Variants in PLAGL1 observed in about 807,000 individuals in gnomAD.
The protein encoded by PLAGL1 is PLAG1 like zinc finger 1.
Under a neutral mutation model 4.6 loss-of-function variants are expected in PLAGL1, and 1 was observed. The ratio of observed to expected loss-of-function variants is 0.22; its 90% CI spans 0.08 to 1.03. PLAGL1 has a LOEUF of 1.03. Ranked by LOEUF, PLAGL1 falls within the 50% of genes least tolerant of loss-of-function variation. PLAGL1 has a pLI of 0.58. For missense variants in PLAGL1, 464 were observed against 570.4 expected, an observed-to-expected ratio of 0.81 and a Z score of 1.90; for synonymous variants, 240 against 237.8, an observed-to-expected ratio of 1.01 and a Z score of -0.08.
intron 1 of PLAGL1, among the ~76,000 whole-genome samples, chr6:144,062,611 A>C (rs1043662342): frequency 1.3e-5 from 2 of 151,698 alleles, no homozygotes; most frequent in Non-Finnish European, 2.9e-5. Context: ...AAACCTAGGG[A>C]GCTGCCCCTC....
At chr6:143,986,616 T>A (rs573960507) in intron 1 of PLAGL1, among the ~76,000 whole-genome samples, 1 of 152,320 alleles carries the variant, frequency 6.6e-6, no homozygotes, top group East Asian at 1.9e-4. Flanking sequence ...CCAAAGATCA[T>A]GTTCAGATTA....
chr6:143,993,037 G>A (rs796622988), intron 1 of PLAGL1, among the ~76,000 whole-genome samples: 24 of 150,692 alleles, frequency 1.6e-4, no homozygotes, highest in African/African-American at 4.6e-4. Context: ...GGCCGGGTGC[G>A]GTGGCTCACG....
intron 1 of PLAGL1, among the ~76,000 whole-genome samples, chr6:144,045,564 G>A (rs1331178209): frequency 6.6e-6 from 1 of 152,222 alleles, no homozygotes; most frequent in African/African-American, 2.4e-5. Context: ...TCCACTGTTT[G>A]TCTGATGGGC....
At chr6:144,054,264 C>A (rs1170494642) in intron 1 of PLAGL1, among the ~76,000 whole-genome samples, 3 of 152,190 alleles carry the variant, frequency 2.0e-5, no homozygotes, top group South Asian at 2.1e-4. Flanking sequence ...TCCAAACTTA[C>A]TTTTTACTTA....
At position 143,989,669 on chromosome 6, in the gene PLAGL1, G is replaced by T. The variant is rs188137934; in HGVS notation, c.-583-4495C>A. ...ATTTCTCAGCCTTCATAATCATCAG[G>T]GTCAATTCTTTGTAATCAATCTCTC... On this transcript the variant is annotated intron_variant, in intron 1 of 7. Transcript: ENST00000674357. This position sits in a 1 kb window ranked among gnomAD's most constrained non-coding sequence, Gnocchi z 4.8. Among the ~76,000 whole-genome samples the T allele has an allele frequency of 6.6e-5, 10 of 152,162 alleles. No homozygotes were observed. The highest frequency in any genetic ancestry group is 2.4e-4 in the African/African-American group (10 of 41,532).
chr6:143,950,401 C>A lies in PLAGL1; in HGVS notation c.-324-1941G>T, dbSNP rs1780797603. On this transcript the variant is annotated intron_variant, in intron 6 of 7. Coordinates refer to ENST00000674357, the MANE Select transcript of PLAGL1 (RefSeq NM_001317162.2). The surrounding 1 kb of genome is among the most constrained non-coding windows in gnomAD (Gnocchi z 6.3). ...GCCCTGGTCACAAACAAAATAACTC[C>A]TTCTAGGAATTCTATTCCGCCTGCC... Among the ~76,000 whole-genome samples, 1 of 152,164 alleles carries A rather than the reference C, an allele frequency of 6.6e-6. No individual in the cohort carries two copies. The highest frequency in any genetic ancestry group is 1.5e-5 in the Non-Finnish European group (1 of 68,032).
Position 143,956,621 on chromosome 6 carries a change from G to A in PLAGL1, c.-325+3848C>T, listed in dbSNP as rs118063972. Among the ~76,000 whole-genome samples the A allele has an allele frequency of 6.9e-3, 1,054 of 152,296 alleles. 4 individuals are homozygous for A. The highest frequency in any genetic ancestry group is 0.011 in the Non-Finnish European group (754 of 68,016). The stretch of plus-strand genomic sequence containing the variant: ...GAAGGTAGGCTTTTTATAGATGGGA[G>A]CTTTTCTTTGCTATATTTAGCAGAT... On this transcript the variant is annotated intron_variant, in intron 6 of 7. Coordinates refer to ENST00000674357, the MANE Select transcript of PLAGL1 (RefSeq NM_001317162.2).
At position 144,063,692 on chromosome 6, in the gene PLAGL1, T is replaced by G. The variant is rs573868812; in HGVS notation, c.-151+776A>C. Among the ~76,000 whole-genome samples, 23 of 152,288 alleles carry G rather than the reference T, an allele frequency of 1.5e-4. No homozygotes were observed. Among genetic ancestry groups the G allele is most frequent in the African/African-American group, 5.5e-4 (23 of 41,574 alleles). On this transcript the variant is annotated intron_variant, in intron 1 of 3. Transcript: ENST00000437412. The surrounding 1 kb of genome is among the most constrained non-coding windows in gnomAD (Gnocchi z 5.7). ...AACAGGTCCCGCGCTCCTAGACCCA[T>G]GAACACTCGGGAAGCCCCAGGGGTA...
At position 143,983,664 on chromosome 6, in the gene PLAGL1, T is replaced by C. The variant is rs747378863; in HGVS notation, c.-544+1471A>G. On this transcript the variant is annotated intron_variant, in intron 2 of 7. Coordinates refer to ENST00000674357, the MANE Select transcript of PLAGL1 (RefSeq NM_001317162.2). The surrounding 1 kb of genome is among the most constrained non-coding windows in gnomAD (Gnocchi z 6.6). ...ACAGAGAAGATGAGTGGATGAGTGA[T>C]TTTAATGAGAGGGTAGGCTATTGAC... is the stretch of plus-strand genomic sequence containing the variant. Among the ~76,000 whole-genome samples the C allele has an allele frequency of 5.3e-5, 8 of 151,996 alleles. No individual in the cohort carries two copies. Among genetic ancestry groups the C allele is most frequent in the Admixed American group, 6.6e-5 (1 of 15,244 alleles).
chr6:143,977,461 C>CTTT (rs1786904658), intron 2 of PLAGL1, among the ~76,000 whole-genome samples: 2 of 100,872 alleles, frequency 2.0e-5, no homozygotes, highest in East Asian at 3.1e-4. Context: ...TTTTTTTCTT[C>CTTT]TTCTTCTTCT....
Position 143,971,450 on chromosome 6 carries a change from T to G in PLAGL1, c.-543-2472A>C, listed in dbSNP as rs9403540. Among the ~76,000 whole-genome samples the G allele has an allele frequency of 0.31, 47,467 of 152,154 alleles. 9,055 individuals carry two copies. The highest frequency in any genetic ancestry group is 0.44 in the Non-Finnish European group (30,023 of 67,954). ...GCTTACTTACTCCCTCCTACAACAC[T>G]TTCTAAAAATTTCCATTATGATTTT... On this transcript the variant is annotated intron_variant, in intron 2 of 7. Transcript: ENST00000674357. This position sits in a 1 kb window ranked among gnomAD's most constrained non-coding sequence, Gnocchi z 4.7.
At position 144,041,621 on chromosome 6, in the gene PLAGL1, T is replaced by G. The variant is rs143909060; in HGVS notation, c.-151+22847A>C. Among the ~76,000 whole-genome samples, 1,357 of 152,350 alleles carry G rather than the reference T, an allele frequency of 8.9e-3. 21 individuals carry two copies. Among genetic ancestry groups the G allele is most frequent in the African/African-American group, 0.031 (1,285 of 41,568 alleles). Reference sequence around the variant, plus strand: ...GCTTGGTTCCAAGTCTTTGCTATTGTGAATAGTGCTGCAATAAACATACAA... The same window carrying G: ...GCTTGGTTCCAAGTCTTTGCTATTGGGAATAGTGCTGCAATAAACATACAA... On this transcript the variant is annotated intron_variant, in intron 1 of 3. Transcript: ENST00000437412.
In PLAGL1 at chr6:144,034,713, C is replaced by T. The variant is rs1304071808; in HGVS notation, c.-151+29755G>A. 6.6e-6 allele frequency among the ~76,000 whole-genome samples: 1 copy of T among 152,052 alleles called. No homozygotes were observed. The highest frequency in any genetic ancestry group is 1.5e-5 in the Non-Finnish European group (1 of 68,002). On this transcript the variant is annotated intron_variant, in intron 1 of 3. Transcript: ENST00000437412. The surrounding 1 kb of genome is among the most constrained non-coding windows in gnomAD (Gnocchi z 4.7). The stretch of plus-strand genomic sequence containing the variant: ...TTATTCTAAAAATCAGGTTTTCCCC[C>T]TAGCTTTTAAGATTGAAAAAAAAAA...
chr6:144,023,685 T>G (rs1371545296), intron 1 of PLAGL1, among the ~76,000 whole-genome samples: 1 of 151,288 alleles, frequency 6.6e-6, no homozygotes, highest in Non-Finnish European at 1.5e-5. Flanking sequence ...GTTAGGGAAA[T>G]TACAGATAAG....
Position 143,997,917 on chromosome 6 carries a change from T to G in PLAGL1, c.-584+10173A>C, listed in dbSNP as rs1405408375. Among the ~76,000 whole-genome samples, 2 of 152,230 alleles carry G rather than the reference T, an allele frequency of 1.3e-5. No individual in the cohort carries two copies. The highest frequency in any genetic ancestry group is 2.9e-5 in the Non-Finnish European group (2 of 68,042). ...ATACTTAAGAATGGCAGATTTCATA[T>G]GTTTTTCTTCCCCATGTATTTTAGG... On this transcript the variant is annotated intron_variant, in intron 1 of 7. Transcript: ENST00000674357. The surrounding 1 kb of genome is among the most constrained non-coding windows in gnomAD (Gnocchi z 4.6).
At chr6:144,030,689 T>C (rs1022444580) in intron 1 of PLAGL1, among the ~76,000 whole-genome samples, 2 of 152,264 alleles carry the variant, frequency 1.3e-5, no homozygotes, top group Admixed American at 6.5e-5. Context: ...TTCCTTTTTA[T>C]GGCTGAGTAG....
chr6:143,941,393 C>T lies in PLAGL1; in HGVS notation c.*31G>A. 2 of 1,473,160 alleles carry T rather than the reference C, an allele frequency of 1.4e-6. No individual in the cohort carries two copies. Among genetic ancestry groups the T allele is most frequent in the Non-Finnish European group, 1.8e-6 (2 of 1,105,370 alleles). 91.3% of individuals were successfully genotyped at this position (1,473,160 alleles called of 1,614,324 possible). ...TTAAAATGCTTCTTAAAACATCTTC[C>T]AGAATACGAAAAATACACTTTAAAA... On this transcript the variant is annotated 3_prime_UTR_variant, in exon 8 of 8. Transcript: ENST00000674357. The surrounding 1 kb of genome is among the most constrained non-coding windows in gnomAD (Gnocchi z 6.0).
At chr6:144,011,339 CAT>C (rs1562570648), upstream of PLAGL1, among the ~76,000 whole-genome samples, 2 of 152,158 alleles carry the variant, frequency 1.3e-5, no homozygotes, top group East Asian at 1.9e-4. The surrounding 1 kb of genome is among the most constrained non-coding windows in gnomAD (Gnocchi z 4.3). Flanking sequence ...GGCCAACAAA[CAT>C]ATGAAAAAAG....
intron 1 of PLAGL1, among the ~76,000 whole-genome samples, chr6:144,029,946 G>A (rs564712741): frequency 1.3e-5 from 2 of 152,252 alleles, no homozygotes; most frequent in African/African-American, 4.8e-5. Flanking sequence ...AATAGCAAAA[G>A]TTCAATAATA....
Sources: allele counts gnomAD v4.1 joint callset (sites outside exome capture counted in the v4.1 genomes callset), GRCh38; gene constraint gnomAD v4.1.1; non-coding constraint Gnocchi (gnomAD v3.1); transcripts MANE v1.5; gene names NCBI Gene and HGNC (gene_info 2026-07-23, HGNC 2026-07-21).